Variants in NKAIN2 observed in about 807,000 individuals in gnomAD.
NKAIN2 encodes the protein sodium/potassium-transporting ATPase subunit beta-1-interacting protein 2.
A neutral mutation model predicts 32.6 loss-of-function variants in NKAIN2; 14 were observed. That is an observed-to-expected ratio of 0.43 (90% CI 0.28 to 0.67). The LOEUF (loss-of-function observed/expected upper bound fraction) is 0.67, where lower values mean the gene tolerates loss of function less well. Ranked by LOEUF, NKAIN2 falls within the 30% of genes least tolerant of loss-of-function variation. The pLI, the probability that NKAIN2 is intolerant of heterozygous loss-of-function variation, is 0.17. For missense variants in NKAIN2, 198 were observed against 258.3 expected, an observed-to-expected ratio of 0.77 and a Z score of 1.60; for synonymous variants, 80 against 87.2, an observed-to-expected ratio of 0.92 and a Z score of 0.46.
chr6:124,506,058 G>C (rs1173973973), intron 3 of NKAIN2, among the ~76,000 whole-genome samples: 1 of 152,052 alleles, frequency 6.6e-6, no homozygotes, highest in South Asian at 2.1e-4. Flanking sequence ...GCAGGCGCCT[G>C]TAGTCCCAGC....
At chr6:124,707,550 C>G (rs13198765) in intron 4 of NKAIN2, among the ~76,000 whole-genome samples, 20,331 of 90,888 alleles carry the variant, frequency 0.22, 3,122 homozygotes, top group Middle Eastern at 0.29. Flanking sequence ...GTGTGAGATG[C>G]TATCTCATTG....
intron 1 of NKAIN2, among the ~76,000 whole-genome samples, chr6:123,988,158 A>G (rs1445143606): frequency 6.6e-6 from 1 of 152,296 alleles, no homozygotes; most frequent in South Asian, 2.1e-4. Context: ...ATATAGAAAA[A>G]AAGTATAGAA....
At chr6:124,357,274 C>G (rs146989794) in intron 3 of NKAIN2, among the ~76,000 whole-genome samples, 2 of 152,008 alleles carry the variant, frequency 1.3e-5, no homozygotes, top group Non-Finnish European at 2.9e-5. Flanking sequence ...ATATAGTTAT[C>G]GTTATATAGT....
At position 123,906,692 on chromosome 6, in the gene NKAIN2, G is replaced by C. The variant is rs578163500; in HGVS notation, c.54+102438G>C. 3.9e-5 allele frequency among the ~76,000 whole-genome samples: 6 copies of C among 152,188 alleles called. No individual in the cohort carries two copies. In the South Asian group the frequency reaches 6.2e-4, roughly 16 times the overall value. ...AATAAGACCTTTATCATCTCCTGTA[G>C]TATCTGTCTGTGTTATATGAAGTTT... On this transcript the variant is annotated intron_variant, in intron 1 of 6. Transcript: ENST00000368417.
chr6:123,924,655 C>T (rs1582788785), intron 1 of NKAIN2, among the ~76,000 whole-genome samples: 1 of 152,112 alleles, frequency 6.6e-6, no homozygotes, highest in East Asian at 1.9e-4. Context: ...TCGTTCAGTT[C>T]AGCTTTCTGT....
intron 3 of NKAIN2, among the ~76,000 whole-genome samples, chr6:124,427,879 C>G: frequency 6.6e-6 from 1 of 151,886 alleles, no homozygotes; most frequent in East Asian, 1.9e-4. Context: ...TTTGGCACAG[C>G]TACATGTTGG....
chr6:124,453,122 C>T (rs1440014545), intron 3 of NKAIN2, among the ~76,000 whole-genome samples: 2 of 151,988 alleles, frequency 1.3e-5, no homozygotes, highest in Non-Finnish European at 2.9e-5. Context: ...TTGCCAGGTT[C>T]TGTGATGGAT....
At position 123,970,651 on chromosome 6, in the gene NKAIN2, G is replaced by A. The variant is rs144707898; in HGVS notation, c.54+166397G>A. ...CCTAGCACTTTGGGAGGCCAAGGAG[G>A]GCAGATTGCCTGAGCTCAGGAGTTT... is the stretch of plus-strand genomic sequence containing the variant. On this transcript the variant is annotated intron_variant, in intron 1 of 6. Coordinates refer to ENST00000368417, the MANE Select transcript of NKAIN2 (RefSeq NM_001040214.3). 1.8e-3 allele frequency among the ~76,000 whole-genome samples: 267 copies of A among 152,172 alleles called. 1 individual carries two copies. The highest frequency in any genetic ancestry group is 6.2e-3 in the African/African-American group (258 of 41,518).
At chr6:124,605,818 C>G (rs2114988893) in intron 3 of NKAIN2, among the ~76,000 whole-genome samples, 1 of 152,084 alleles carries the variant, frequency 6.6e-6, no homozygotes, top group East Asian at 1.9e-4. Flanking sequence ...TTAAAGATAT[C>G]TGTGTTTGCT....
intron 3 of NKAIN2, among the ~76,000 whole-genome samples, chr6:124,492,076 G>A (rs560037983): frequency 7.2e-5 from 11 of 152,012 alleles, no homozygotes; most frequent in African/African-American, 2.4e-4. Flanking sequence ...AAAGGTAAAA[G>A]AAGACCTATT....
chr6:124,726,036 G>C (rs2114645251), intron 4 of NKAIN2, among the ~76,000 whole-genome samples: 1 of 152,300 alleles, frequency 6.6e-6, no homozygotes, highest in South Asian at 2.1e-4. Context: ...ATTATATCCT[G>C]CACCTGGCTT....
In NKAIN2 at chr6:124,762,690, C is replaced by G. The variant is rs754016095; in HGVS notation, c.475-28649C>G. 2.6e-5 allele frequency among the ~76,000 whole-genome samples: 4 copies of G among 152,142 alleles called. No individual in the cohort carries two copies. In the South Asian group the frequency reaches 8.3e-4, roughly 32 times the overall value. On this transcript the variant is annotated intron_variant, in intron 4 of 6. Coordinates refer to ENST00000368417, the MANE Select transcript of NKAIN2 (RefSeq NM_001040214.3). ...AATTTGACTTCAAAGGATAGGATTT[C>G]TGCAGTGAAATTGGAGAAAAGTGAA... is the stretch of plus-strand genomic sequence containing the variant.
At chr6:124,597,604 C>A (rs1014185111) in intron 3 of NKAIN2, among the ~76,000 whole-genome samples, 1 of 152,002 alleles carries the variant, frequency 6.6e-6, no homozygotes, top group African/African-American at 2.4e-5. Context: ...GAATAGCAAC[C>A]AGTAAAACAT....
chr6:124,182,668 G>T (rs1264634568), intron 1 of NKAIN2, among the ~76,000 whole-genome samples: 1 of 152,124 alleles, frequency 6.6e-6, no homozygotes, highest in Non-Finnish European at 1.5e-5. Flanking sequence ...TTTGAGAGTA[G>T]ACCTGTCTAT....
chr6:124,723,945 C>G (rs1277366460), intron 4 of NKAIN2, among the ~76,000 whole-genome samples: 2 of 152,152 alleles, frequency 1.3e-5, no homozygotes, highest in South Asian at 4.1e-4. Context: ...TGTCTGCTTT[C>G]AGCAATTAAT....
chr6:124,700,523 A>G (rs901596455), intron 4 of NKAIN2, among the ~76,000 whole-genome samples: 4 of 152,134 alleles, frequency 2.6e-5, no homozygotes, highest in Non-Finnish European at 4.4e-5. Flanking sequence ...CAGTTTGCAA[A>G]TGGGTAACAG....
chr6:124,759,551 A>T (rs1361527730), intron 4 of NKAIN2, among the ~76,000 whole-genome samples: 1 of 145,482 alleles, frequency 6.9e-6, no homozygotes, highest in African/African-American at 2.6e-5. Flanking sequence ...TACTTTCTCA[A>T]GGAAGTCTGC....
intron 1 of NKAIN2, among the ~76,000 whole-genome samples, chr6:124,119,827 T>A (rs1785791971): frequency 6.6e-6 from 1 of 152,210 alleles, no homozygotes; most frequent in Non-Finnish European, 1.5e-5. Flanking sequence ...TGGGCTCTGC[T>A]ACCATTCACA....
chr6:124,726,719 T>C lies in NKAIN2; in HGVS notation c.475-64620T>C, dbSNP rs372821077. Among the ~76,000 whole-genome samples, 582 of 141,912 alleles carry C rather than the reference T, an allele frequency of 4.1e-3. 4 individuals are homozygous for C. The highest frequency in any genetic ancestry group is 6.5e-3 in the Non-Finnish European group (423 of 64,926). The allele number at this position is 141,912 out of a possible 152,430, so 93.1% of individuals were successfully genotyped here. On this transcript the variant is annotated intron_variant, in intron 4 of 6. Coordinates refer to ENST00000368417, the MANE Select transcript of NKAIN2 (RefSeq NM_001040214.3). ...AAAGCTGGATGGAGAATGACTTTGA[T>C]GAGCTGAGAGAAGAAGGCTTCAGAC...
Sources: allele counts gnomAD v4.1 joint callset (sites outside exome capture counted in the v4.1 genomes callset), GRCh38; gene constraint gnomAD v4.1.1; transcripts MANE v1.5; gene names NCBI Gene and HGNC (gene_info 2026-07-23, HGNC 2026-07-21).